The following ECI2 variants were observed in gnomAD, a reference collection of about 807,000 sequenced individuals.
ECI2 encodes enoyl-CoA delta isomerase 2.
In ECI2, 27 loss-of-function variants were observed where a neutral mutation model predicts 38.4. The ratio of observed to expected loss-of-function variants is 0.70; its 90% CI spans 0.52 to 0.97. ECI2 has a LOEUF of 0.97. Among genes scored for constraint, ECI2 ranks in the 50% least tolerant of loss-of-function variants. The pLI, the probability that ECI2 is intolerant of heterozygous loss-of-function variation, is 0.00. For synonymous variants in ECI2, 168 were observed against 172.0 expected (o/e 0.98, Z 0.18); for missense variants, 470 against 474.4 (o/e 0.99, Z 0.09).
At position 4,120,094 on chromosome 6, in the gene ECI2, T is replaced by G. The variant is rs114459001; in HGVS notation, c.796-819A>C. Among the ~76,000 whole-genome samples, 869 of 152,322 alleles carry G rather than the reference T, an allele frequency of 5.7e-3. 6 individuals are homozygous for G. The highest frequency in any genetic ancestry group is 9.4e-3 in the Non-Finnish European group (640 of 68,030). ...AATGCCATTGGTGTTGTTTCTAGCA[T>G]TCAAATGGTTGTACCATTTGACACT... is the stretch of plus-strand genomic sequence containing the variant. On this transcript the variant is annotated intron_variant, in intron 7 of 9. Transcript: ENST00000380118.
intron 7 of ECI2, among the ~76,000 whole-genome samples, chr6:4,119,620 T>C (rs1356956359): frequency 6.6e-6 from 1 of 152,136 alleles, no homozygotes; most frequent in Non-Finnish European, 1.5e-5. Flanking sequence ...CATGCCTGGC[T>C]TCATGTGTTA....
chr6:4,135,200 C>T, intron 1 of ECI2: 1 of 753,334 alleles, frequency 1.3e-6, no homozygotes, highest in Non-Finnish European at 2.2e-6. Flanking sequence ...GGCGGCTCAC[C>T]CGCCCGGAGT....
At chr6:4,123,242 T>A (rs1772923418) in intron 7 of ECI2, among the ~76,000 whole-genome samples, 2 of 152,048 alleles carry the variant, frequency 1.3e-5, no homozygotes, top group South Asian at 4.1e-4. Flanking sequence ...AGTGGTACGA[T>A]CTCGGCTCAC....
chr6:4,120,629 AG>A (rs1772668011), intron 7 of ECI2, among the ~76,000 whole-genome samples: 1 of 151,962 alleles, frequency 6.6e-6, no homozygotes, highest in Non-Finnish European at 1.5e-5. Context: ...CGGGAGGCTG[AG>A]GCACAAGAAT....
At position 4,117,341 on chromosome 6, in the gene ECI2, G is replaced by T; in HGVS notation, c.996C>A (p.Thr332=). 4.3e-6 allele frequency: 7 copies of T among 1,613,400 alleles called. No individual in the cohort carries two copies. Among genetic ancestry groups the T allele is most frequent in the Non-Finnish European group, 5.9e-6 (7 of 1,179,766 alleles). The change falls in exon 9 of 10, where the codon ACC becomes ACA. Residue 332 remains threonine (T), a synonymous_variant. Transcript: ENST00000380118. ...PDSTFQKEVW[T]RLKAFAKLPP... The stretch of plus-strand genomic sequence containing the variant: ...GAAGCTTTGCAAATGCCTTCAGCCT[G>T]GTCCAGACTTCTTTCTGAAAAGTGC...
intron 1 of ECI2, among the ~76,000 whole-genome samples, chr6:4,134,762 G>C (rs1773647688): frequency 6.6e-6 from 1 of 152,096 alleles, no homozygotes; most frequent in African/African-American, 2.4e-5. Flanking sequence ...CGTAGAAAAC[G>C]AAAGAAAAAT....
At chr6:4,135,092 G>C (rs538350240) in intron 1 of ECI2, 12 of 471,680 alleles carry the variant, frequency 2.5e-5, no homozygotes, top group Admixed American at 9.3e-5. Flanking sequence ...AAGTCCACAC[G>C]AGTGATAACG....
At chr6:4,125,972 GC>G (rs1383812889) in intron 6 of ECI2, 162 bp downstream of exon 6, 1 of 694,612 alleles carries the variant, frequency 1.4e-6, no homozygotes, top group Non-Finnish European at 2.6e-6. Flanking sequence ...AAGAATGAAT[GC>G]CCACCTATGG....
At chr6:4,125,064 A>G in intron 7 of ECI2, 186 bp downstream of exon 7, 1 of 966,544 alleles carries the variant, frequency 1.0e-6, no homozygotes, top group East Asian at 2.6e-5. Context: ...AACAAAATGC[A>G]AGTTAATAAT....
At chr6:4,119,130 T>C (rs1667784274) in intron 8 of ECI2, 56 bp downstream of exon 8, 18 of 1,410,394 alleles carry the variant, frequency 1.3e-5, no homozygotes, top group South Asian at 6.1e-5. Context: ...AGATTACTCT[T>C]CCTTCTTTCT....
rs1201381407 is a variant in ECI2 at position 4,130,551 on chromosome 6, T to G, written c.322A>C (p.Arg108=). Residue 108 remains arginine, a synonymous_variant, in exon 4 of 10, where the codon AGG becomes CGG. Transcript: ENST00000380118. ...ALGSLPKEAA[R]QNYVDLVSSL... ...GACACCAAATCCACATAGTTCTGCCTGGCAGCTTCCTGAACGGACGATGAC... is the reference window on the plus strand; with the variant it reads ...GACACCAAATCCACATAGTTCTGCCGGGCAGCTTCCTGAACGGACGATGAC... 1 of 1,614,248 alleles carries G rather than the reference T, an allele frequency of 6.2e-7. No individual in the cohort carries two copies. Among genetic ancestry groups the G allele is most frequent in the East Asian group, 2.2e-5 (1 of 44,894 alleles).
intron 7 of ECI2, chr6:4,125,045 A>C: frequency 1.3e-6 from 1 of 798,826 alleles, no homozygotes; most frequent in South Asian, 1.5e-5. Context: ...GAGTTGGAAC[A>C]ATGTTCACAA....
Position 4,126,116 on chromosome 6 carries a change from A to G in ECI2, c.674+19T>C. ...AAGAACGGGCCCTCTGGGATCAGAC[A>G]AAGGTCAGTAACTCTTACCTCAGTA... On this transcript the variant is annotated intron_variant, in intron 6 of 9. Transcript: ENST00000380118. The G allele has an allele frequency of 6.2e-7, 1 of 1,601,110 alleles. No homozygotes were observed. The highest frequency in any genetic ancestry group is 8.5e-7 in the Non-Finnish European group (1 of 1,169,768).
At chr6:4,126,359 G>A in intron 5 of ECI2, 122 bp from the exon 6 acceptor site, 4 of 772,374 alleles carry the variant, frequency 5.2e-6, no homozygotes, top group Non-Finnish European at 8.3e-6. Flanking sequence ...AATGGTTCCT[G>A]CCCTAACTTA....
chr6:4,124,187 A>G (rs1772994421), intron 7 of ECI2, among the ~76,000 whole-genome samples: 1 of 152,188 alleles, frequency 6.6e-6, no homozygotes, highest in Non-Finnish European at 1.5e-5. Flanking sequence ...CTGCCTTTGA[A>G]CAGAAACCTC....
chr6:4,126,199 TAGTC>T lies in ECI2; in HGVS notation c.606_609del (p.Asn204SerfsTer9), dbSNP rs1773145936. ...CCACCAGGGGGAATATCAGTGAAGTTAGTCAGATCATTCCCACTACTGTAATAGT... is the reference window on the plus strand; with the variant it reads ...CCACCAGGGGGAATATCAGTGAAGTTAGATCATTCCCACTACTGTAATAGT... On this transcript the variant is annotated frameshift_variant, in exon 6 of 10. Coordinates refer to ENST00000380118, the MANE Select transcript of ECI2 (RefSeq NM_206836.3). LOFTEE classifies it high-confidence loss of function. 1 of 1,613,844 alleles carries T rather than the reference TAGTC, an allele frequency of 6.2e-7. No individual in the cohort carries two copies. Among genetic ancestry groups the T allele is most frequent in the South Asian group, 1.1e-5 (1 of 91,042 alleles).
At chr6:4,133,917 T>C in intron 1 of ECI2, 1 of 482,478 alleles carries the variant, frequency 2.1e-6, no homozygotes, top group Non-Finnish European at 3.4e-6. Flanking sequence ...CAGTAGTAAC[T>C]TTAAATAAAA....
At chr6:4,119,530 AG>A (rs766066999) in intron 7 of ECI2, among the ~76,000 whole-genome samples, 34 of 152,264 alleles carry the variant, frequency 2.2e-4, no homozygotes, top group Non-Finnish European at 2.5e-4. Context: ...CCTGTTGGCC[AG>A]GTTGGTTTCA....
intron 7 of ECI2, among the ~76,000 whole-genome samples, chr6:4,123,916 G>A (rs959900735): frequency 2.6e-5 from 4 of 151,800 alleles, no homozygotes; most frequent in Non-Finnish European, 4.4e-5. Context: ...AGCCAAGATC[G>A]TGCCACTGCA....
Sources: allele counts gnomAD v4.1 joint callset (sites outside exome capture counted in the v4.1 genomes callset), GRCh38; gene constraint gnomAD v4.1.1; transcripts MANE v1.5; gene names NCBI Gene and HGNC (gene_info 2026-07-23, HGNC 2026-07-21).